RPTOR: variants seen among roughly 807,000 people sequenced by gnomAD.
RPTOR encodes the protein regulatory-associated protein of mTOR.
In RPTOR, 21 loss-of-function variants were observed where a neutral mutation model predicts 169.9. The ratio of observed to expected loss-of-function variants is 0.12; its 90% CI spans 0.09 to 0.18. The LOEUF (loss-of-function observed/expected upper bound fraction) is 0.18. RPTOR is among the 10% of genes least tolerant of loss of function. RPTOR has a pLI of 1.00. For missense variants in RPTOR, 1,133 were observed against 1,855.9 expected (o/e 0.61, Z 7.16); for synonymous variants, 732 against 753.2 (o/e 0.97, Z 0.46).
intron 28 of RPTOR, among the ~76,000 whole-genome samples, chr17:80,952,258 A>G (rs980167716): frequency 3.3e-5 from 5 of 152,222 alleles, no homozygotes; most frequent in African/African-American, 1.2e-4. Flanking sequence ...CCTCCGCGGT[A>G]TTACATTTAA....
At chr17:80,822,089 C>T in intron 7 of RPTOR, 112 bp from the exon 8 acceptor site, 2 of 912,498 alleles carry the variant, frequency 2.2e-6, no homozygotes, top group African/African-American at 3.2e-5. Context: ...CAGAGCCTTC[C>T]TCCCTCGCTC....
intron 3 of RPTOR, among the ~76,000 whole-genome samples, chr17:80,703,431 G>A (rs1018698165): frequency 1.3e-5 from 2 of 152,176 alleles, no homozygotes; most frequent in African/African-American, 4.8e-5. Context: ...CCCTGGAGAA[G>A]GGGTGGGAAG....
At position 80,643,768 on chromosome 17, in the gene RPTOR, C is replaced by T. The variant is rs750788213; in HGVS notation, c.306C>T (p.Ile102=). The change falls in exon 3 of 34, where the codon ATC becomes ATT. Residue 102 remains isoleucine, a synonymous_variant. Coordinates refer to ENST00000306801, the MANE Select transcript of RPTOR (RefSeq NM_020761.3). ...GTCCTCAGAAAGCTCTGGAAACCAT[C>T]GGTGCAAATTTACAGAAGCAGTACG... ...SMGPQKALET[I]GANLQKQYEN... is the part of the protein sequence containing the mutation. The T allele has an allele frequency of 9.9e-6, 16 of 1,613,668 alleles. No individual in the cohort carries two copies. Among genetic ancestry groups the T allele is most frequent in the East Asian group, 4.5e-5 (2 of 44,874 alleles).
Position 80,660,693 on chromosome 17 carries a change from C to T in RPTOR, c.348+16883C>T, listed in dbSNP as rs544895573. Among the ~76,000 whole-genome samples, 15 of 152,268 alleles carry T rather than the reference C, an allele frequency of 9.9e-5. No homozygotes were observed. In the South Asian group the frequency reaches 1.2e-3, roughly 13 times the overall value. ...GGCCATGCATGCCTGGCAACACAGG[C>T]GGTCCCATCCTTCGCTCAAGCCCTA... is the stretch of plus-strand genomic sequence containing the variant. On this transcript the variant is annotated intron_variant, in intron 3 of 33. Transcript: ENST00000306801.
chr17:80,797,373 C>A (rs978490616), intron 7 of RPTOR, among the ~76,000 whole-genome samples: 1 of 152,202 alleles, frequency 6.6e-6, no homozygotes, highest in Non-Finnish European at 1.5e-5. Flanking sequence ...GTCTTAAACT[C>A]CTGACCTCAG....
intron 6 of RPTOR, among the ~76,000 whole-genome samples, chr17:80,760,411 C>T (rs565859210): frequency 1.0e-3 from 153 of 147,792 alleles, no homozygotes; most frequent in Non-Finnish European, 2.0e-3. Context: ...AAGCGATTCT[C>T]CTGCCTCAGC....
intron 7 of RPTOR, 137 bp from the exon 8 acceptor site, chr17:80,822,064 C>T (rs1016730934): frequency 4.0e-5 from 30 of 745,454 alleles, no homozygotes; most frequent in Non-Finnish European, 5.7e-5. Context: ...CCCTGCCGTG[C>T]GCCAAGCTTC....
At chr17:80,916,984 T>C (rs982749677) in intron 21 of RPTOR, among the ~76,000 whole-genome samples, 3 of 151,968 alleles carry the variant, frequency 2.0e-5, no homozygotes. Context: ...GAGACTCTTA[T>C]CTGAAAAAAG....
intron 17 of RPTOR, among the ~76,000 whole-genome samples, 162 bp downstream of exon 17, chr17:80,885,310 G>A (rs2289762): frequency 0.22 from 34,226 of 152,174 alleles, 4,121 homozygotes; most frequent in East Asian, 0.39. Flanking sequence ...TTCAAGTTGC[G>A]TTTCTTTACC....
intron 1 of RPTOR, among the ~76,000 whole-genome samples, chr17:80,604,022 A>G (rs1007039780): frequency 6.6e-6 from 1 of 152,188 alleles, no homozygotes; most frequent in Non-Finnish European, 1.5e-5. Context: ...CTTTGAAAGG[A>G]GGGCTGCTGG....
chr17:80,955,418 A>G (rs2069235609), intron 28 of RPTOR, among the ~76,000 whole-genome samples: 1 of 152,242 alleles, frequency 6.6e-6, no homozygotes, highest in Admixed American at 6.5e-5. Context: ...ACCATGCACA[A>G]AACACATCAC....
intron 20 of RPTOR, among the ~76,000 whole-genome samples, chr17:80,902,571 G>T (rs2068489798): frequency 6.6e-6 from 1 of 152,254 alleles, no homozygotes; most frequent in Admixed American, 6.5e-5. Context: ...GGCCTCACCT[G>T]TCCCGGCCCC....
At chr17:80,932,939 C>T (rs1233746635) in intron 24 of RPTOR, among the ~76,000 whole-genome samples, 4 of 152,214 alleles carry the variant, frequency 2.6e-5, no homozygotes, top group Non-Finnish European at 4.4e-5. Flanking sequence ...GGAACAAGGA[C>T]AAGAATCACC....
chr17:80,614,927 G>A (rs192474497), intron 1 of RPTOR, among the ~76,000 whole-genome samples: 11 of 152,294 alleles, frequency 7.2e-5, no homozygotes, highest in African/African-American at 1.9e-4. Flanking sequence ...GTTATTTCAC[G>A]TTGATATTTC....
intron 20 of RPTOR, among the ~76,000 whole-genome samples, chr17:80,897,599 G>A (rs1385562517): frequency 6.6e-6 from 1 of 152,212 alleles, no homozygotes; most frequent in Non-Finnish European, 1.5e-5. Flanking sequence ...GCGTGGTAAT[G>A]TCCCCTGACA....
chr17:80,897,005 A>G (rs1193299357), intron 20 of RPTOR, among the ~76,000 whole-genome samples: 2 of 152,260 alleles, frequency 1.3e-5, no homozygotes. Flanking sequence ...TCACGCCTGT[A>G]ATCCCAGCAC....
At chr17:80,857,970 C>T (rs1408684566) in intron 13 of RPTOR, 70 bp downstream of exon 13, 10 of 1,176,716 alleles carry the variant, frequency 8.5e-6, no homozygotes, top group South Asian at 7.5e-5. Context: ...CCGAGCCCTG[C>T]GTTTCCAGCC....
chr17:80,841,729 A>G (rs1598346469), intron 10 of RPTOR, among the ~76,000 whole-genome samples: 2 of 122,158 alleles, frequency 1.6e-5, no homozygotes, highest in South Asian at 2.9e-4. Flanking sequence ...CTCTCACCAC[A>G]CCGCAGCTCA....
rs982648936 is a variant in RPTOR, at chr17:80,611,827, GT to G, written c.163-13859del. Among the ~76,000 whole-genome samples the G allele has an allele frequency of 4.0e-5, 6 of 151,556 alleles. No individual in the cohort carries two copies. In the South Asian group the frequency reaches 6.2e-4, roughly 16 times the overall value. The stretch of plus-strand genomic sequence containing the variant: ...TCTTTAGTCTTTTCTAAATGCAGAG[GT>G]TTTTCCCCCCCTGTAAATGACACAG... On this transcript the variant is annotated intron_variant, in intron 1 of 33. Coordinates refer to ENST00000306801, the MANE Select transcript of RPTOR (RefSeq NM_020761.3).
Sources: gnomAD v4.1 joint callset for allele counts (sites outside exome capture counted in the v4.1 genomes callset) on GRCh38, gnomAD v4.1.1 for gene constraint, MANE v1.5 for transcripts, NCBI Gene and HGNC (gene_info 2026-07-23, HGNC 2026-07-21) for gene names.